The following APBA1 variants were observed in gnomAD, a reference collection of about 807,000 sequenced individuals.
APBA1 encodes the protein amyloid beta precursor protein binding family A member 1.
APBA1 carries 55 observed loss-of-function variants against 86.6 expected under a neutral mutation model. The observed-to-expected ratio is 0.64, with a 90% CI of 0.51 to 0.80. The LOEUF is 0.80. APBA1 is among the 30% of genes least tolerant of loss of function. The pLI, the probability that APBA1 is intolerant of heterozygous loss-of-function variation, is 0.00. For synonymous variants in APBA1, 511 were observed against 493.9 expected, an observed-to-expected ratio of 1.03 and a Z score of -0.46; for missense variants, 1,090 against 1,183.0, an observed-to-expected ratio of 0.92 and a Z score of 1.15.
intron 2 of APBA1, among the ~76,000 whole-genome samples, chr9:69,511,918 T>G (rs1836051465): frequency 7.2e-6 from 1 of 139,814 alleles, no homozygotes. Context: ...CTCTGGGGAC[T>G]GTGGTGGGGT....
rs181945999 is a variant in APBA1, at chr9:69,566,660, C to G, written c.-69-49381G>C. Among the ~76,000 whole-genome samples, 15 of 152,252 alleles carry G rather than the reference C, an allele frequency of 9.9e-5. No homozygotes were observed. The East Asian group carries it at 2.5e-3, about 25-fold the overall frequency. ...TCCTGTCTGATCTGCTCTCCTAAAA[C>G]TCTCCTTTCTCAAGCACTCCAAGCT... is the stretch of plus-strand genomic sequence containing the variant. On this transcript the variant is annotated intron_variant, in intron 1 of 12. Transcript: ENST00000265381.
chr9:69,599,564 A>C (rs1345287119), intron 1 of APBA1, among the ~76,000 whole-genome samples: 1 of 152,208 alleles, frequency 6.6e-6, no homozygotes, highest in African/African-American at 2.4e-5. Context: ...ATAATTCAAA[A>C]ATTAGTAATT....
At chr9:69,502,256 G>A (rs1048585731) in intron 2 of APBA1, among the ~76,000 whole-genome samples, 2 of 152,060 alleles carry the variant, frequency 1.3e-5, no homozygotes, top group Admixed American at 6.5e-5. Context: ...TTTCTAGATG[G>A]TGATGGTCTG....
At chr9:69,506,059 G>A (rs1464411073) in intron 2 of APBA1, among the ~76,000 whole-genome samples, 2 of 151,540 alleles carry the variant, frequency 1.3e-5, no homozygotes, top group African/African-American at 4.8e-5. Context: ...AAAGGAGGAG[G>A]AGCCAAGATG....
Position 69,548,775 on chromosome 9 carries a change from T to C in APBA1, c.-69-31496A>G, listed in dbSNP as rs139626968. Among the ~76,000 whole-genome samples, 475 of 152,338 alleles carry C rather than the reference T, an allele frequency of 3.1e-3. 3 individuals are homozygous for C. The highest frequency in any genetic ancestry group is 0.011 in the African/African-American group (448 of 41,582). ...CTGGCCATGTTGGACATGCTCTAGA[T>C]TGAACACTCTGCTCATTAACTGGTT... On this transcript the variant is annotated intron_variant, in intron 1 of 12. Transcript: ENST00000265381.
intron 1 of APBA1, among the ~76,000 whole-genome samples, chr9:69,548,440 G>C (rs1836732964): frequency 6.6e-6 from 1 of 152,210 alleles, no homozygotes; most frequent in African/African-American, 2.4e-5. Context: ...TACGTTTGTG[G>C]TAATTTGTTA....
chr9:69,658,304 CTCTTTCTTTCTTTCTTTCTTTCTTTCTT>C (rs202185776), intron 1 of APBA1, among the ~76,000 whole-genome samples: 3 of 79,944 alleles, frequency 3.8e-5, no homozygotes, highest in Non-Finnish European at 5.1e-5. Flanking sequence ...TTCTCTCTCT[CTCTTTCTTTCTTTCTTTCTTTCTTTCTT>C]TCTTTCTTTC....
chr9:69,653,665 T>G (rs1225466240), intron 1 of APBA1, among the ~76,000 whole-genome samples: 1 of 152,156 alleles, frequency 6.6e-6, no homozygotes, highest in African/African-American at 2.4e-5. Flanking sequence ...TTGGAAAGTA[T>G]GCAAAATCAT....
intron 1 of APBA1, among the ~76,000 whole-genome samples, chr9:69,545,059 T>A (rs1165131480): frequency 6.6e-6 from 1 of 152,194 alleles, no homozygotes; most frequent in East Asian, 1.9e-4. Context: ...TGACTAGGGG[T>A]AGACCCCTCA....
intron 1 of APBA1, among the ~76,000 whole-genome samples, chr9:69,557,538 G>A (rs1382460888): frequency 6.6e-6 from 1 of 152,152 alleles, no homozygotes; most frequent in Non-Finnish European, 1.5e-5. Context: ...CATCAGAAAT[G>A]TTTATGACTC....
chr9:69,561,713 T>C (rs1836948554), intron 1 of APBA1, among the ~76,000 whole-genome samples: 1 of 151,972 alleles, frequency 6.6e-6, no homozygotes, highest in African/African-American at 2.4e-5. Context: ...CACTGCAACT[T>C]CCGCCTTACA....
chr9:69,453,808 G>A (rs1170032622), intron 8 of APBA1, among the ~76,000 whole-genome samples: 6 of 152,214 alleles, frequency 3.9e-5, no homozygotes, highest in African/African-American at 1.4e-4. Context: ...TTCTATAAAC[G>A]GCCTGCCAGC....
At chr9:69,595,811 G>A (rs1488221809) in intron 1 of APBA1, among the ~76,000 whole-genome samples, 2 of 152,040 alleles carry the variant, frequency 1.3e-5, no homozygotes, top group Non-Finnish European at 2.9e-5. Flanking sequence ...CAGTATCTAA[G>A]CTCTAAGCTC....
intron 10 of APBA1, among the ~76,000 whole-genome samples, chr9:69,443,691 A>G (rs1834861741): frequency 6.6e-6 from 1 of 152,176 alleles, no homozygotes; most frequent in Admixed American, 6.5e-5. Flanking sequence ...TTATTTCTAT[A>G]TTATAGAAGA....
At chr9:69,432,701 C>T (rs1338367835) in intron 11 of APBA1, 25 bp from the exon 12 acceptor site, 1 of 1,526,782 alleles carries the variant, frequency 6.5e-7, no homozygotes, top group Non-Finnish European at 8.8e-7. Flanking sequence ...GGCAGAGTTA[C>T]CCTCATTGCA....
At position 69,589,717 on chromosome 9, in the gene APBA1, G is replaced by A. The variant is rs75152743; in HGVS notation, c.-69-72438C>T. ...TTAGCTTTCAAAACAAGCTGAAATCGTGAACCGGAAGATCTGAGATCCTGA... is the reference window on the plus strand; with the variant it reads ...TTAGCTTTCAAAACAAGCTGAAATCATGAACCGGAAGATCTGAGATCCTGA... On this transcript the variant is annotated intron_variant, in intron 1 of 12. Transcript: ENST00000265381. 8.0e-3 allele frequency among the ~76,000 whole-genome samples: 1,220 copies of A among 152,224 alleles called. 13 individuals are homozygous for A. The highest frequency in any genetic ancestry group is 0.027 in the African/African-American group (1,136 of 41,536).
rs1836173436 is a variant in APBA1, at chr9:69,517,052, G to A, written c.159C>T (p.Arg53=). Residue 53 remains arginine, a synonymous_variant, in exon 2 of 13, where the codon CGC becomes CGT. Transcript: ENST00000265381. ...QQQHYVGRHQ[R]GRALEDLRAQ... ...CGCGGAGGTCCTCGAGGGCTCGCCC[G>A]CGCTGGTGGCGGCCCACATAGTGCT... 1.3e-6 allele frequency: 2 copies of A among 1,581,532 alleles called. No individual in the cohort carries two copies.
chr9:69,580,636 C>T (rs1371429066), intron 1 of APBA1, among the ~76,000 whole-genome samples: 2 of 152,138 alleles, frequency 1.3e-5, no homozygotes, highest in South Asian at 2.1e-4. Flanking sequence ...GAAGTTCAAC[C>T]ACAGCACAGT....
intron 1 of APBA1, among the ~76,000 whole-genome samples, chr9:69,631,709 T>C (rs11139541): frequency 0.65 from 98,975 of 152,190 alleles, 33,332 homozygotes; most frequent in South Asian, 0.86. Context: ...ATATGCACCA[T>C]GGAATACTAT....
Sources: allele counts gnomAD v4.1 joint callset (sites outside exome capture counted in the v4.1 genomes callset), GRCh38; gene constraint gnomAD v4.1.1; transcripts MANE v1.5; gene names NCBI Gene and HGNC (gene_info 2026-07-23, HGNC 2026-07-21).